The following ZNF175 variants were observed in gnomAD, a reference collection of about 807,000 sequenced individuals.
ZNF175 encodes the protein zinc finger protein OTK18.
Under a neutral mutation model 14.0 loss-of-function variants are expected in ZNF175, and 8 were observed. The observed-to-expected ratio is 0.57, with a 90% CI of 0.34 to 1.03. The LOEUF (loss-of-function observed/expected upper bound fraction) is 1.03, where lower values mean the gene tolerates loss of function less well. Among genes scored for constraint, ZNF175 ranks in the 50% least tolerant of loss-of-function variants. ZNF175 has a pLI of 0.03. For synonymous variants in ZNF175, 255 were observed against 296.8 expected, an observed-to-expected ratio of 0.86 and a Z score of 1.45; for missense variants, 764 against 849.5, an observed-to-expected ratio of 0.90 and a Z score of 1.25.
Position 51,587,222 on chromosome 19 carries a change from A to T in ZNF175, c.891A>T (p.Gln297His), listed in dbSNP as rs1982196645. 6.2e-7 allele frequency: 1 copy of T among 1,614,050 alleles called. No homozygotes were observed. Among genetic ancestry groups the T allele is most frequent in the African/African-American group, 1.3e-5 (1 of 74,914 alleles). ...CCCAGAAGTCACACCTCTTTGCCCA[A>T]CAGAGAATTCATAGTGTAGGAAACC... ...SFTQKSHLFA[Q>H]QRIHSVGNLH... The change falls in exon 5 of 5, where the codon CAA (glutamine) becomes CAT (histidine). Residue 297 changes from glutamine (Q) to histidine (H), a missense_variant. Transcript: ENST00000262259.
rs189113345 is a variant in ZNF175, at chr19:51,577,704, C to T, written c.73-3687C>T. ...TTTGAGATGGAGTCTCACTCTGTCG[C>T]CCAGGCTGGAGTGCAGTGGCACGAT... On this transcript the variant is annotated intron_variant, in intron 2 of 4. Coordinates refer to ENST00000262259, the MANE Select transcript of ZNF175 (RefSeq NM_007147.4). 2.2e-3 allele frequency among the ~76,000 whole-genome samples: 319 copies of T among 145,366 alleles called. 1 individual carries two copies. Among genetic ancestry groups the T allele is most frequent in the African/African-American group, 7.5e-3 (293 of 39,020 alleles).
chr19:51,588,341 T>C lies in ZNF175; in HGVS notation c.2010T>C (p.Pro670=). 6.2e-7 allele frequency: 1 copy of C among 1,613,868 alleles called. No homozygotes were observed. Among genetic ancestry groups the C allele is most frequent in the Non-Finnish European group, 8.5e-7 (1 of 1,179,940 alleles). Residue 670 remains proline (P), a synonymous_variant, in exon 5 of 5, where the codon CCT becomes CCC. Transcript: ENST00000262259. ...VHQRIHTGER[P]YVCSECGKAF... ...AGCGAATTCACACGGGAGAAAGACC[T>C]TATGTGTGTTCTGAATGTGGAAAGG...
At chr19:51,577,240 T>C (rs149338704) in intron 2 of ZNF175, among the ~76,000 whole-genome samples, 132 of 152,322 alleles carry the variant, frequency 8.7e-4, no homozygotes, top group African/African-American at 3.0e-3. Context: ...CCTGGGTTCA[T>C]AGGTTGGAAA....
In ZNF175 at chr19:51,573,296, C is replaced by T. The variant is rs2122556594; in HGVS notation, c.-34C>T. On this transcript the variant is annotated 5_prime_UTR_variant, in exon 2 of 5. Transcript: ENST00000262259. ...CTCCTGGGAAAAGTGGAGTTGTCAGCAAGAGAGACCGAGAGTAGAAGCCCA... is the reference window on the plus strand; with the variant it reads ...CTCCTGGGAAAAGTGGAGTTGTCAGTAAGAGAGACCGAGAGTAGAAGCCCA... The T allele has an allele frequency of 6.2e-7, 1 of 1,609,178 alleles. No individual in the cohort carries two copies. Among genetic ancestry groups the T allele is most frequent in the Non-Finnish European group, 8.5e-7 (1 of 1,177,022 alleles).
At chr19:51,575,324 C>G (rs1600079149) in intron 2 of ZNF175, among the ~76,000 whole-genome samples, 1 of 147,694 alleles carries the variant, frequency 6.8e-6, no homozygotes, top group East Asian at 2.1e-4. Context: ...TAACGCCGTT[C>G]TCCTGCCTTA....
chr19:51,586,649 C>T lies in ZNF175; in HGVS notation c.318C>T (p.Ile106=). 1 of 1,591,734 alleles carries T rather than the reference C, an allele frequency of 6.3e-7. No individual in the cohort carries two copies. Among genetic ancestry groups the T allele is most frequent in the South Asian group, 1.1e-5 (1 of 87,238 alleles). The change falls in exon 5 of 5, where the codon ATC becomes ATT. Residue 106 remains isoleucine, a synonymous_variant. Transcript: ENST00000262259. ...TAGAAAGGGAGTTTGGGCTTGAAAT[C>T]CCACAAAAGGAGATTTCTAAGAAAG... ...RCQEREFGLE[I]PQKEISKKAS...
At chr19:51,582,659 G>C (rs955342418) in intron 4 of ZNF175, among the ~76,000 whole-genome samples, 1 of 152,082 alleles carries the variant, frequency 6.6e-6, no homozygotes, top group Non-Finnish European at 1.5e-5. Flanking sequence ...CATCTTATCT[G>C]TTATCTGATT....
chr19:51,579,729 C>G (rs1981932194), intron 2 of ZNF175, among the ~76,000 whole-genome samples: 1 of 152,154 alleles, frequency 6.6e-6, no homozygotes. Flanking sequence ...ATGTTTTTCC[C>G]ATGACCCAGA....
intron 1 of ZNF175, among the ~76,000 whole-genome samples, chr19:51,572,206 G>A (rs1354680691): frequency 1.3e-5 from 2 of 152,184 alleles, no homozygotes; most frequent in Non-Finnish European, 2.9e-5. Flanking sequence ...GGCTATCAGG[G>A]CAGTAAAGAT....
Position 51,581,383 on chromosome 19 carries a change from T to A in ZNF175, c.73-8T>A. On this transcript the variant is annotated splice_region_variant and splice_polypyrimidine_tract_variant and intron_variant, in intron 2 of 4. Coordinates refer to ENST00000262259, the MANE Select transcript of ZNF175 (RefSeq NM_007147.4). ...TAATTCACAGTGAGCTGGGGTACAC[T>A]GTTACAGGCATCAGTGTCATTTGAG... is the stretch of plus-strand genomic sequence containing the variant. The A allele has an allele frequency of 6.2e-7, 1 of 1,614,168 alleles. No homozygotes were observed. Among genetic ancestry groups the A allele is most frequent in the Non-Finnish European group, 8.5e-7 (1 of 1,180,028 alleles).
Position 51,587,754 on chromosome 19 carries a change from TA to T in ZNF175, c.1424del (p.Tyr475PhefsTer44). 1 of 1,614,150 alleles carries T rather than the reference TA, an allele frequency of 6.2e-7. No individual in the cohort carries two copies. ...HQRSHTGEKP[Y>X]QCHNCGKSFI... ...AAGAAGCCACACAGGAGAAAAACCTTATCAGTGCCACAACTGTGGGAAATCC... is the reference window on the plus strand; with the variant it reads ...AAGAAGCCACACAGGAGAAAAACCTTTCAGTGCCACAACTGTGGGAAATCC... On this transcript the variant is annotated frameshift_variant, in exon 5 of 5. Coordinates refer to ENST00000262259, the MANE Select transcript of ZNF175 (RefSeq NM_007147.4). LOFTEE classifies it low-confidence loss of function (END_TRUNC).
In ZNF175 at chr19:51,589,325, T is replaced by C. The variant is rs1353207908; in HGVS notation, c.*858T>C. 1 of 561,700 alleles carries C rather than the reference T, an allele frequency of 1.8e-6. No homozygotes were observed. The highest frequency in any genetic ancestry group is 3.1e-6 in the Non-Finnish European group (1 of 318,428). The allele number at this position is 561,700 out of a possible 1,614,324, so 34.8% of individuals were successfully genotyped here. A position where few individuals can be genotyped will look rare whatever the true frequency, so the allele number is the denominator to read the frequency against. On this transcript the variant is annotated 3_prime_UTR_variant, in exon 5 of 5. Transcript: ENST00000262259. ...CAGTGGGGTTTGCTGCAGAATTCAC[T>C]GCATAGCAGGAGATGTAAGCAGATG... is the stretch of plus-strand genomic sequence containing the variant.
chr19:51,577,454 T>TA (rs1981826842), intron 2 of ZNF175, among the ~76,000 whole-genome samples: 1 of 135,604 alleles, frequency 7.4e-6, no homozygotes, highest in African/African-American at 2.8e-5. Context: ...AGCCCTCCGA[T>TA]AATCATTACT....
rs889088754 is a variant in ZNF175, at chr19:51,589,269, C to T, written c.*802C>T. 30 of 426,376 alleles carry T rather than the reference C, an allele frequency of 7.0e-5. No homozygotes were observed. The highest frequency in any genetic ancestry group is 9.1e-5 in the Non-Finnish European group (22 of 242,236). The allele number at this position is 426,376 out of a possible 1,614,324, so 26.4% of individuals were successfully genotyped here. ...TCTGGTCAGCATATGTGTATGTATG[C>T]GTATGTATGTATGTATGTATGCCCT... On this transcript the variant is annotated 3_prime_UTR_variant, in exon 5 of 5. Transcript: ENST00000262259.
Position 51,588,475 on chromosome 19 carries a change from G to T in ZNF175, c.*8G>T, listed in dbSNP as rs1290579064. 5 of 1,529,112 alleles carry T rather than the reference G, an allele frequency of 3.3e-6. No individual in the cohort carries two copies. In the East Asian group the frequency reaches 9.0e-5, roughly 28 times the overall value. The allele number at this position is 1,529,112 out of a possible 1,614,324, so 94.7% of individuals were successfully genotyped here. ...GGCTTTACCAAGCAATGAATTCCTA[G>T]TGCATCAGCATATTCATAAATGAAA... On this transcript the variant is annotated 3_prime_UTR_variant, in exon 5 of 5. Transcript: ENST00000262259.
chr19:51,572,466 G>A (rs552882247), intron 1 of ZNF175, among the ~76,000 whole-genome samples: 2 of 152,330 alleles, frequency 1.3e-5, no homozygotes, highest in South Asian at 2.1e-4. Flanking sequence ...GAAGAGGCTG[G>A]TCTGTGTGTG....
chr19:51,572,515 GAA>G (rs1468478385), intron 1 of ZNF175, among the ~76,000 whole-genome samples: 8 of 152,196 alleles, frequency 5.3e-5, no homozygotes, highest in African/African-American at 1.9e-4. Flanking sequence ...CAGAAGCTCA[GAA>G]TAGGTACACC....
rs1457717403 is a variant in ZNF175 at position 51,589,689 on chromosome 19, CTG to C, written c.*1224_*1225del. ...CCATTGGCCAAATATGGCCTCCCAA[CTG>C]TTTTTTTAAAATAAAGTTTTATTGG... On this transcript the variant is annotated 3_prime_UTR_variant, in exon 5 of 5. Coordinates refer to ENST00000262259, the MANE Select transcript of ZNF175 (RefSeq NM_007147.4). The C allele has an allele frequency of 7.6e-6, 5 of 654,038 alleles. No individual in the cohort carries two copies. In the East Asian group the frequency reaches 8.2e-5, roughly 11 times the overall value. 40.5% of individuals were successfully genotyped at this position (654,038 alleles called of 1,614,324 possible).
At chr19:51,585,155 G>T (rs540560523) in intron 4 of ZNF175, among the ~76,000 whole-genome samples, 2 of 152,296 alleles carry the variant, frequency 1.3e-5, no homozygotes, top group African/African-American at 4.8e-5. Flanking sequence ...AAAGGAAGAG[G>T]AATTATGAAA....
Sources: gnomAD v4.1 joint callset for allele counts (sites outside exome capture counted in the v4.1 genomes callset) on GRCh38, gnomAD v4.1.1 for gene constraint, MANE v1.5 for transcripts, NCBI Gene and HGNC (gene_info 2026-07-23, HGNC 2026-07-21) for gene names.